Variants in CELF2 observed in about 807,000 individuals in gnomAD.
The protein encoded by CELF2 is CUGBP Elav-like family member 2.
CELF2 carries 8 observed loss-of-function variants against 62.6 expected under a neutral mutation model. The observed-to-expected ratio is 0.13, with a 90% CI of 0.07 to 0.23. The LOEUF is 0.23. Among genes scored for constraint, CELF2 ranks in the 10% least tolerant of loss-of-function variants. The pLI is 1.00. For missense variants in CELF2, 333 were observed against 671.0 expected, an observed-to-expected ratio of 0.50 and a Z score of 5.56; for synonymous variants, 258 against 250.0, an observed-to-expected ratio of 1.03 and a Z score of -0.30.
intron 2 of CELF2, among the ~76,000 whole-genome samples, chr10:11,210,389 C>T (rs2061513336): frequency 6.6e-6 from 1 of 152,188 alleles, no homozygotes; most frequent in Non-Finnish European, 1.5e-5. Flanking sequence ...AGGGAAACAG[C>T]TGTTCTCATG....
chr10:11,104,968 T>C (rs939639986), intron 1 of CELF2, among the ~76,000 whole-genome samples: 2 of 152,178 alleles, frequency 1.3e-5, no homozygotes, highest in African/African-American at 4.8e-5. Flanking sequence ...GTAATCACCT[T>C]CTCTGAAGCT....
chr10:10,823,380 C>T (rs999830348), intron 1 of CELF2, among the ~76,000 whole-genome samples: 3 of 152,138 alleles, frequency 2.0e-5, no homozygotes, highest in African/African-American at 7.2e-5. Flanking sequence ...GAGTAAAGAT[C>T]TGGGCACTCG....
intron 2 of CELF2, among the ~76,000 whole-genome samples, chr10:11,197,045 G>GAAAGAAAGAAAGAAAGAAAGAAAGAAAGA: frequency 2.0e-5 from 1 of 51,070 alleles, no homozygotes; most frequent in Admixed American, 1.5e-4. Context: ...AAGAAAGAAA[G>GAAAGAAAGAAAGAAAGAAAGAAAGAAAGA]AAAGAAAGAA....
intron 1 of CELF2, among the ~76,000 whole-genome samples, chr10:11,083,484 C>T (rs1352191827): frequency 6.6e-6 from 1 of 152,082 alleles, no homozygotes; most frequent in Non-Finnish European, 1.5e-5. Flanking sequence ...GTGCCAAGAC[C>T]CCAAATAACC....
intron 1 of CELF2, among the ~76,000 whole-genome samples, chr10:11,091,160 A>G (rs915986452): frequency 6.6e-6 from 1 of 152,182 alleles, no homozygotes; most frequent in Non-Finnish European, 1.5e-5. Flanking sequence ...TTGTCTAATC[A>G]GCTTCCTAAC....
the CELF2 span, among the ~76,000 whole-genome samples, chr10:10,708,117 C>G: frequency 5.3e-5 from 8 of 152,136 alleles, no homozygotes; most frequent in Non-Finnish European, 1.2e-4. Flanking sequence ...ATATTTGAGG[C>G]AGGGAGCAAA....
At chr10:10,869,478 C>T (rs1339724845) in intron 1 of CELF2, among the ~76,000 whole-genome samples, 25 of 152,000 alleles carry the variant, frequency 1.6e-4, no homozygotes, top group Non-Finnish European at 5.9e-5. Flanking sequence ...AGGAGAATCC[C>T]TTGAACCCAG....
the CELF2 span, among the ~76,000 whole-genome samples, chr10:10,638,314 C>T: frequency 2.4e-4 from 36 of 152,310 alleles, no homozygotes; most frequent in African/African-American, 8.2e-4. Flanking sequence ...CACCAACAAA[C>T]ATGTCATTTA....
the CELF2 span, among the ~76,000 whole-genome samples, chr10:10,495,588 A>T: frequency 2.6e-5 from 4 of 152,308 alleles, no homozygotes; most frequent in African/African-American, 9.6e-5. Flanking sequence ...AGACAACCAG[A>T]ATTGCTCCAC....
At chr10:11,299,260 C>T (rs1194126535) in intron 9 of CELF2, among the ~76,000 whole-genome samples, 6 of 152,242 alleles carry the variant, frequency 3.9e-5, no homozygotes, top group Non-Finnish European at 8.8e-5. Flanking sequence ...GCGGGTGGTG[C>T]GTGCTCTGCA....
the CELF2 span, among the ~76,000 whole-genome samples, chr10:10,599,748 T>A: frequency 6.6e-6 from 1 of 150,822 alleles, no homozygotes; most frequent in African/African-American, 2.4e-5. Flanking sequence ...TTTTGTTTTT[T>A]TGAGATGGAG....
chr10:10,534,072 AG>A, the CELF2 span, among the ~76,000 whole-genome samples: 13 of 152,122 alleles, frequency 8.5e-5, 1 homozygote, highest in Non-Finnish European at 1.8e-4. Flanking sequence ...AGGAGAAAAT[AG>A]ACCACAAAAT....
rs2082504290 is a variant in CELF2 at position 11,267,579 on chromosome 10, A to G, written c.618+902A>G. 6.6e-6 allele frequency among the ~76,000 whole-genome samples: 1 copy of G among 152,178 alleles called. No individual in the cohort carries two copies. Among genetic ancestry groups the G allele is most frequent in the African/African-American group, 2.4e-5 (1 of 41,428 alleles). On this transcript the variant is annotated intron_variant, in intron 6 of 12. Coordinates refer to ENST00000633077, the MANE Select transcript of CELF2 (RefSeq NM_001326342.2). This position sits in a 1 kb window ranked among gnomAD's most constrained non-coding sequence, Gnocchi z 4.4. The stretch of plus-strand genomic sequence containing the variant: ...TGGTGTTATCTGAAGCTGTGTTTTC[A>G]TATTTTGAAAAAAGATATTTTCAAT...
At chr10:11,096,098 AT>A (rs2049802112) in intron 1 of CELF2, among the ~76,000 whole-genome samples, 1 of 152,218 alleles carries the variant, frequency 6.6e-6, no homozygotes, top group African/African-American at 2.4e-5. Context: ...GTTGACCTGC[AT>A]TTATTTGAAG....
At chr10:10,645,322 C>T in the CELF2 span, among the ~76,000 whole-genome samples, 4 of 152,168 alleles carry the variant, frequency 2.6e-5, no homozygotes, top group Admixed American at 6.5e-5. Flanking sequence ...ACAGCCACTG[C>T]TCATGATTTA....
the CELF2 span, among the ~76,000 whole-genome samples, chr10:10,721,298 A>G: frequency 6.6e-6 from 1 of 152,212 alleles, no homozygotes; most frequent in South Asian, 2.1e-4. Flanking sequence ...TTGAAATATT[A>G]ATCATTTGTT....
the CELF2 span, among the ~76,000 whole-genome samples, chr10:10,527,060 G>A: frequency 1.3e-5 from 2 of 152,120 alleles, no homozygotes; most frequent in Non-Finnish European, 2.9e-5. Context: ...CATGAAAAAG[G>A]GTTAATATTC....
At chr10:10,531,883 G>A in the CELF2 span, among the ~76,000 whole-genome samples, 1 of 152,174 alleles carries the variant, frequency 6.6e-6, no homozygotes, top group African/African-American at 2.4e-5. Context: ...ATGGTGTTGG[G>A]AACAGGCCCT....
At chr10:10,651,267 A>G in the CELF2 span, among the ~76,000 whole-genome samples, 8 of 143,950 alleles carry the variant, frequency 5.6e-5, no homozygotes, top group Admixed American at 5.6e-4. Flanking sequence ...ATGAGATCAA[A>G]CTGCAAGGCG....
Sources: allele counts gnomAD v4.1 joint callset (sites outside exome capture counted in the v4.1 genomes callset), GRCh38; gene constraint gnomAD v4.1.1; non-coding constraint Gnocchi (gnomAD v3.1); transcripts MANE v1.5; gene names NCBI Gene and HGNC (gene_info 2026-07-23, HGNC 2026-07-21).